The following ADCY2 variants were observed in gnomAD, a reference collection of about 807,000 sequenced individuals.
ADCY2 encodes adenylate cyclase 2.
Under a neutral mutation model 125.2 loss-of-function variants are expected in ADCY2, and 31 were observed. That is an observed-to-expected ratio of 0.25 (90% CI 0.19 to 0.33). The LOEUF (loss-of-function observed/expected upper bound fraction) is 0.33, where lower values mean the gene tolerates loss of function less well. Ranked by LOEUF, ADCY2 falls within the 10% of genes least tolerant of loss-of-function variation. The pLI, the probability that ADCY2 is intolerant of heterozygous loss-of-function variation, is 1.00. For synonymous variants in ADCY2, 512 were observed against 548.4 expected, an observed-to-expected ratio of 0.93 and a Z score of 0.93; for missense variants, 904 against 1,418.2, an observed-to-expected ratio of 0.64 and a Z score of 5.82.
At chr5:7,585,428 T>G (rs1398373181) in intron 3 of ADCY2, among the ~76,000 whole-genome samples, 1 of 152,190 alleles carries the variant, frequency 6.6e-6, no homozygotes. Flanking sequence ...ACACATACTA[T>G]TTTCAATCCA....
intron 20 of ADCY2, chr5:7,795,433 T>C (rs1211829680): frequency 6.6e-6 from 1 of 152,220 alleles, no homozygotes; most frequent in African/African-American, 2.4e-5. Context: ...GTTCCTGGCA[T>C]TGGATAAAAA....
chr5:7,674,677 C>G (rs2914305), intron 4 of ADCY2, among the ~76,000 whole-genome samples: 75,219 of 152,000 alleles, frequency 0.49, 19,135 homozygotes, highest in Admixed American at 0.56. Flanking sequence ...CTGACTTTGT[C>G]AGTTCTGAGC....
intron 2 of ADCY2, among the ~76,000 whole-genome samples, chr5:7,496,727 CATTAATGGAGGG>C (rs1743358857): frequency 6.6e-6 from 1 of 152,110 alleles, no homozygotes; most frequent in Admixed American, 6.5e-5. Flanking sequence ...AAACCACTAG[CATTAATGGAGGG>C]ATTAATTACG....
At chr5:7,501,361 C>T (rs1226339829) in intron 2 of ADCY2, among the ~76,000 whole-genome samples, 1 of 152,162 alleles carries the variant, frequency 6.6e-6, no homozygotes. Flanking sequence ...TAAAGATTAA[C>T]AACCTTGAGG....
intron 2 of ADCY2, among the ~76,000 whole-genome samples, chr5:7,473,565 T>C (rs1742417408): frequency 6.6e-6 from 1 of 152,104 alleles, no homozygotes; most frequent in East Asian, 1.9e-4. Context: ...GGGACAAATA[T>C]CCAAATCATA....
At chr5:7,724,114 C>CCA (rs1276071098) in intron 12 of ADCY2, among the ~76,000 whole-genome samples, 26 of 76,574 alleles carry the variant, frequency 3.4e-4, no homozygotes, top group Non-Finnish European at 5.2e-4. Context: ...TAGAAGCTAA[C>CCA]AAAAAAAAAA....
chr5:7,530,611 TA>T (rs1734608784), intron 3 of ADCY2, among the ~76,000 whole-genome samples: 1 of 46,226 alleles, frequency 2.2e-5, no homozygotes, highest in Non-Finnish European at 7.1e-5. Flanking sequence ...CTCATCCAGA[TA>T]TAACCATCTA....
chr5:7,452,668 A>C (rs1220364534), intron 2 of ADCY2, among the ~76,000 whole-genome samples: 2 of 152,254 alleles, frequency 1.3e-5, no homozygotes, highest in South Asian at 4.2e-4. Context: ...TCTTTGAGAA[A>C]TCTCCATATT....
chr5:7,496,710 C>A (rs1284649026), intron 2 of ADCY2, among the ~76,000 whole-genome samples: 2 of 152,074 alleles, frequency 1.3e-5, no homozygotes, highest in African/African-American at 4.8e-5. Context: ...ACGAGAGACT[C>A]AATTGAAAAC....
At chr5:7,589,653 G>A (rs1417140137) in intron 3 of ADCY2, among the ~76,000 whole-genome samples, 2 of 152,072 alleles carry the variant, frequency 1.3e-5, no homozygotes, top group East Asian at 3.9e-4. Flanking sequence ...CTCTCTCTGG[G>A]CCCTAAATTC....
chr5:7,488,046 C>T (rs969449479), intron 2 of ADCY2, among the ~76,000 whole-genome samples: 1 of 151,968 alleles, frequency 6.6e-6, no homozygotes, highest in Admixed American at 6.5e-5. Context: ...TAAAAGTAAC[C>T]AAGTGGTCTT....
At chr5:7,458,366 A>G (rs1251807455) in intron 2 of ADCY2, among the ~76,000 whole-genome samples, 1 of 152,262 alleles carries the variant, frequency 6.6e-6, no homozygotes, top group Non-Finnish European at 1.5e-5. Context: ...ATGAGGAAGC[A>G]ATATTAACTT....
At chr5:7,636,412 G>C (rs1738505090) in intron 4 of ADCY2, among the ~76,000 whole-genome samples, 1 of 152,246 alleles carries the variant, frequency 6.6e-6, no homozygotes, top group Non-Finnish European at 1.5e-5. Context: ...GTGACTGAGA[G>C]AAGGTCAGTG....
intron 3 of ADCY2, among the ~76,000 whole-genome samples, chr5:7,620,547 C>T (rs1470094194): frequency 6.6e-6 from 1 of 152,162 alleles, no homozygotes; most frequent in South Asian, 2.1e-4. Flanking sequence ...ACCCTGAGGC[C>T]ACCGCACATA....
chr5:7,511,531 C>T (rs1259582913), intron 2 of ADCY2, among the ~76,000 whole-genome samples: 1 of 151,866 alleles, frequency 6.6e-6, no homozygotes, highest in Non-Finnish European at 1.5e-5. Context: ...GCTGAGATCG[C>T]ACCACTGCAC....
chr5:7,610,878 A>G (rs1287668016), intron 3 of ADCY2, among the ~76,000 whole-genome samples: 1 of 152,204 alleles, frequency 6.6e-6, no homozygotes, highest in Non-Finnish European at 1.5e-5. Flanking sequence ...TGATCTAAAT[A>G]AAGGAATTTT....
At chr5:7,510,924 CA>C (rs1744031752) in intron 2 of ADCY2, among the ~76,000 whole-genome samples, 1 of 152,142 alleles carries the variant, frequency 6.6e-6, no homozygotes, top group African/African-American at 2.4e-5. Flanking sequence ...AAATGACTGC[CA>C]TCGAGGTGCT....
chr5:7,513,301 C>G (rs1243057749), intron 2 of ADCY2, among the ~76,000 whole-genome samples: 7 of 152,116 alleles, frequency 4.6e-5, no homozygotes, highest in Non-Finnish European at 8.8e-5. Context: ...TGGCTTTACA[C>G]AGTTGTGATA....
At chr5:7,689,577 T>C (rs374092079) in intron 4 of ADCY2, among the ~76,000 whole-genome samples, 1 of 152,032 alleles carries the variant, frequency 6.6e-6, no homozygotes. Context: ...TAACCCACCC[T>C]CAGCTCTCTC....
Sources: allele counts gnomAD v4.1 joint callset (sites outside exome capture counted in the v4.1 genomes callset), GRCh38; gene constraint gnomAD v4.1.1; transcripts MANE v1.5; gene names NCBI Gene and HGNC (gene_info 2026-07-23, HGNC 2026-07-21).